Variants in NID1 observed in about 807,000 individuals in gnomAD.
NID1 encodes the protein nidogen 1, also known as nidogen-1.
Under a neutral mutation model 130.6 loss-of-function variants are expected in NID1, and 76 were observed. The observed-to-expected ratio is 0.58, with a 90% CI of 0.48 to 0.70. The LOEUF (loss-of-function observed/expected upper bound fraction) is 0.70. Ranked by LOEUF, NID1 falls within the 30% of genes least tolerant of loss-of-function variation. The pLI is 0.00. For missense variants in NID1, 1,517 were observed against 1,664.8 expected, an observed-to-expected ratio of 0.91 and a Z score of 1.54; for synonymous variants, 665 against 675.1, an observed-to-expected ratio of 0.98 and a Z score of 0.23.
chr1:236,023,665 A>C, intron 9 of NID1, among the ~76,000 whole-genome samples: 1 of 152,182 alleles, frequency 6.6e-6, no homozygotes, highest in Non-Finnish European at 1.5e-5. Flanking sequence ...AGGAACAAAA[A>C]ATCCATCTTG....
intron 1 of NID1, 69 bp downstream of exon 1, chr1:236,064,786 C>T (rs765661740): frequency 2.1e-6 from 3 of 1,460,922 alleles, no homozygotes; most frequent in African/African-American, 1.4e-5. Context: ...CAAGTCCGTC[C>T]GGCTCCACGG....
At position 236,017,739 on chromosome 1, in the gene NID1, A is replaced by G. The variant is rs1005427395; in HGVS notation, c.2129-466T>C. ...TGTTAAATACAATTTTTGTCTGTGC[A>G]TAACTGGAGAGAGTGATCCCCATGC... On this transcript the variant is annotated intron_variant, in intron 9 of 19. Transcript: ENST00000264187. Among the ~76,000 whole-genome samples the G allele has an allele frequency of 7.2e-5, 11 of 152,314 alleles. No individual in the cohort carries two copies. In the Middle Eastern group the frequency reaches 0.02, roughly 283 times the overall value.
chr1:236,029,625 G>A lies in NID1; in HGVS notation c.1663C>T (p.Arg555Cys), dbSNP rs751460426. The change falls in exon 7 of 20, where the codon CGC becomes TGC. Residue 555 changes from arginine to cysteine, a missense_variant. Transcript: ENST00000264187. ...HLTIDTELEG[R>C]VPQIPFGSSV... The stretch of plus-strand genomic sequence containing the variant: ...GAGCCGAACGGAATCTGCGGCACGC[G>A]GCCCTCCAGCTCCGTGTCGATGGTC... 21 of 1,609,580 alleles carry A rather than the reference G, an allele frequency of 1.3e-5. No individual in the cohort carries two copies. Among genetic ancestry groups the A allele is most frequent in the African/African-American group, 1.1e-4 (8 of 74,884 alleles).
Position 235,985,387 on chromosome 1 carries a change from A to G in NID1, c.3047T>C (p.Ile1016Thr). The change falls in exon 15 of 20, where the codon ATT becomes ACT. Residue 1016 changes from isoleucine to threonine, a missense_variant. Transcript: ENST00000264187. Reference sequence around the variant, plus strand: ...GATATTTGCTTACTTACCTTGTCTAATGATGGTGGTTGGCTCTCCACCATG... The same window carrying G: ...GATATTTGCTTACTTACCTTGTCTAGTGATGGTGGTTGGCTCTCCACCATG... ...SLHGGEPTTI[I>T]RQDLGSPEGI... 3 of 1,614,100 alleles carry G rather than the reference A, an allele frequency of 1.9e-6. No homozygotes were observed. The highest frequency in any genetic ancestry group is 8.5e-7 in the Non-Finnish European group (1 of 1,179,976).
intron 15 of NID1, among the ~76,000 whole-genome samples, chr1:235,985,016 T>C (rs1201655066): frequency 2.0e-5 from 3 of 151,846 alleles, no homozygotes; most frequent in Admixed American, 6.6e-5. Flanking sequence ...GGTGAAACCC[T>C]GTCTCTACTA....
chr1:235,994,642 T>C (rs183887345), intron 12 of NID1, among the ~76,000 whole-genome samples: 5 of 151,628 alleles, frequency 3.3e-5, no homozygotes, highest in Admixed American at 6.6e-5. Flanking sequence ...TTTAAGAAAA[T>C]TTTTTTGTTT....
rs560219729 is a variant in NID1 at position 235,989,115 on chromosome 1, C to T, written c.2928+1771G>A. ...TTGAGACAAGAGTCTCATTCTGTTG[C>T]CCAGGATCTCAGCTCACTGCAACCT... On this transcript the variant is annotated intron_variant, in intron 14 of 19. Transcript: ENST00000264187. 2.2e-5 allele frequency among the ~76,000 whole-genome samples: 3 copies of T among 139,426 alleles called. No homozygotes were observed. In the East Asian group the frequency reaches 6.2e-4, roughly 29 times the overall value. 91.5% of individuals were successfully genotyped at this position (139,426 alleles called of 152,430 possible).
rs1558428659 is a variant in NID1 at position 236,003,132 on chromosome 1, CTGG to C, written c.2527+8786_2527+8788del. 1.7e-4 allele frequency among the ~76,000 whole-genome samples: 19 copies of C among 113,690 alleles called. 4 individuals are homozygous for C. The highest frequency in any genetic ancestry group is 2.3e-4 in the African/African-American group (7 of 30,066). 74.6% of individuals were successfully genotyped at this position (113,690 alleles called of 152,430 possible). On this transcript the variant is annotated intron_variant, in intron 12 of 19. Coordinates refer to ENST00000264187, the MANE Select transcript of NID1 (RefSeq NM_002508.3). The stretch of plus-strand genomic sequence containing the variant: ...GGTAGTTGTCACTCCTAGTGAACGA[CTGG>C]TAGTTGTCACTCCTAGTGAACGACT...
chr1:236,059,716 CAGA>C (rs1659989385), intron 1 of NID1, among the ~76,000 whole-genome samples: 1 of 152,192 alleles, frequency 6.6e-6, no homozygotes, highest in Admixed American at 6.5e-5. Context: ...GGTCCCGATC[CAGA>C]CCCTCAGAAA....
chr1:235,981,651 A>C lies in NID1; in HGVS notation c.3187T>G (p.Leu1063Val), dbSNP rs3738525. 6.2e-7 allele frequency: 1 copy of C among 1,613,936 alleles called. No homozygotes were observed. Among genetic ancestry groups the C allele is most frequent in the Non-Finnish European group, 8.5e-7 (1 of 1,179,962 alleles). ...TQRRVLFETDLVNPRGIVTDS... is the reference protein window; with the variant it reads ...TQRRVLFETDVVNPRGIVTDS... ...GTTACAATGCCTCTGGGATTCACCAAGTCAGTCTCAAAGAGCACCCGGCGC... is the reference window on the plus strand; with the variant it reads ...GTTACAATGCCTCTGGGATTCACCACGTCAGTCTCAAAGAGCACCCGGCGC... The change falls in exon 16 of 20, where the codon TTG becomes GTG. Residue 1063 changes from leucine to valine, a missense_variant. Transcript: ENST00000264187.
intron 7 of NID1, among the ~76,000 whole-genome samples, chr1:236,027,866 A>G (rs1468635078): frequency 2.6e-5 from 4 of 152,084 alleles, no homozygotes; most frequent in Admixed American, 1.3e-4. Context: ...AAACAAAAAA[A>G]ACGAAGGGAT....
At chr1:236,062,983 G>C (rs189447593) in intron 1 of NID1, among the ~76,000 whole-genome samples, 1 of 150,524 alleles carries the variant, frequency 6.6e-6, no homozygotes, top group Non-Finnish European at 1.5e-5. Context: ...GTGAAATCCC[G>C]TCTATACTAA....
chr1:236,049,255 T>C (rs552824907), intron 1 of NID1, among the ~76,000 whole-genome samples: 1 of 152,276 alleles, frequency 6.6e-6, no homozygotes, highest in South Asian at 2.1e-4. Flanking sequence ...GGACTGCTAA[T>C]TGGTGTGCGT....
intron 12 of NID1, among the ~76,000 whole-genome samples, chr1:236,011,225 C>T (rs889254157): frequency 2.6e-5 from 4 of 151,662 alleles, no homozygotes; most frequent in African/African-American, 7.3e-5. Flanking sequence ...TATATCTGAC[C>T]AACAACAGCA....
chr1:235,985,724 T>TTGTGTGTGTG (rs759787113), intron 14 of NID1, among the ~76,000 whole-genome samples: 5 of 147,590 alleles, frequency 3.4e-5, no homozygotes, highest in African/African-American at 1.3e-4. Flanking sequence ...GTATAGGAAT[T>TTGTGTGTGTG]TGTGTGTGTG....
intron 5 of NID1, among the ~76,000 whole-genome samples, chr1:236,035,455 C>T (rs977795724): frequency 1.3e-4 from 17 of 131,918 alleles, no homozygotes; most frequent in Non-Finnish European, 1.7e-4. Context: ...AATAAACATA[C>T]GTGTGCATGT....
chr1:235,993,976 C>T, intron 12 of NID1, 104 bp from the exon 13 acceptor site: 1 of 980,198 alleles, frequency 1.0e-6, no homozygotes, highest in Non-Finnish European at 1.5e-6. Context: ...ACCACGAGGG[C>T]TGCCTGTGTG....
chr1:236,063,354 C>T lies in NID1; in HGVS notation c.225+1501G>A, dbSNP rs898580120. ...AAGTGTGGTGGCAGTCATCTGTAAT[C>T]CCAGCTACTCAGGAGGCTGAGGCAG... On this transcript the variant is annotated intron_variant, in intron 1 of 19. Transcript: ENST00000264187. Among the ~76,000 whole-genome samples the T allele has an allele frequency of 4.0e-5, 6 of 151,458 alleles. No homozygotes were observed. The South Asian group carries it at 1.3e-3, about 32-fold the overall frequency.
intron 11 of NID1, among the ~76,000 whole-genome samples, chr1:236,012,577 A>AG (rs1396705934): frequency 8.9e-5 from 13 of 146,870 alleles, no homozygotes; most frequent in Admixed American, 3.4e-4. Flanking sequence ...AAAAAAAAAA[A>AG]AAAAGAAAGA....
Sources: allele counts gnomAD v4.1 joint callset (sites outside exome capture counted in the v4.1 genomes callset), GRCh38; gene constraint gnomAD v4.1.1; transcripts MANE v1.5; gene names NCBI Gene and HGNC (gene_info 2026-07-23, HGNC 2026-07-21).